GRM7: variants seen among roughly 807,000 people sequenced by gnomAD.
GRM7 encodes metabotropic glutamate receptor 7.
Under a neutral mutation model 84.5 loss-of-function variants are expected in GRM7, and 35 were observed. The observed-to-expected ratio is 0.41, with a 90% CI of 0.32 to 0.55. GRM7 has a LOEUF of 0.55. Ranked by LOEUF, GRM7 falls within the 20% of genes least tolerant of loss-of-function variation. GRM7 has a pLI of 0.19. For synonymous variants in GRM7, 487 were observed against 455.1 expected, an observed-to-expected ratio of 1.07 and a Z score of -0.89; for missense variants, 1,003 against 1,194.6, an observed-to-expected ratio of 0.84 and a Z score of 2.36.
chr3:7,649,551 A>G, intron 8 of GRM7, among the ~76,000 whole-genome samples: 1 of 152,168 alleles, frequency 6.6e-6, no homozygotes, highest in East Asian at 1.9e-4. Context: ...CAGTGGTTCA[A>G]CGTGGCAGAG....
intron 5 of GRM7, among the ~76,000 whole-genome samples, chr3:7,436,173 A>C (rs1259447477): frequency 1.3e-5 from 2 of 152,250 alleles, no homozygotes; most frequent in African/African-American, 4.8e-5. Context: ...CCTTATAAAA[A>C]TAACCTTTGT....
chr3:7,472,051 A>T (rs1698723845), intron 7 of GRM7, among the ~76,000 whole-genome samples: 1 of 152,084 alleles, frequency 6.6e-6, no homozygotes, highest in Non-Finnish European at 1.5e-5. Flanking sequence ...TTTTTGCTCT[A>T]TTAGTTCCCA....
intron 1 of GRM7, among the ~76,000 whole-genome samples, chr3:6,927,797 A>G (rs1256424223): frequency 6.6e-6 from 1 of 152,120 alleles, no homozygotes; most frequent in African/African-American, 2.4e-5. Flanking sequence ...CTTCATTTAG[A>G]TAATTTGTAA....
chr3:7,417,103 T>C (rs1696194900), intron 5 of GRM7, among the ~76,000 whole-genome samples: 1 of 152,174 alleles, frequency 6.6e-6, no homozygotes, highest in Admixed American at 6.6e-5. Flanking sequence ...TACAAACTAG[T>C]AAGGTCATTA....
At chr3:7,184,712 C>A (rs6774606) in intron 2 of GRM7, among the ~76,000 whole-genome samples, 1 of 151,988 alleles carries the variant, frequency 6.6e-6, no homozygotes, top group Non-Finnish European at 1.5e-5. Context: ...GCAGTCTGCT[C>A]ATAATGAATA....
At chr3:7,415,415 T>C (rs927930808) in intron 5 of GRM7, among the ~76,000 whole-genome samples, 26 of 152,148 alleles carry the variant, frequency 1.7e-4, no homozygotes, top group African/African-American at 6.3e-4. Flanking sequence ...GAAGGGGTCA[T>C]GTTGCTTTGA....
intron 2 of GRM7, among the ~76,000 whole-genome samples, chr3:7,208,489 A>G (rs1036182316): frequency 3.3e-5 from 5 of 152,192 alleles, no homozygotes; most frequent in African/African-American, 1.2e-4. Context: ...TATTTTAAAA[A>G]ATCTATATTG....
chr3:7,613,250 G>C (rs1043281042), intron 8 of GRM7, among the ~76,000 whole-genome samples: 4 of 152,118 alleles, frequency 2.6e-5, no homozygotes, highest in Non-Finnish European at 5.9e-5. Context: ...AAAGTGTTTG[G>C]TTTATTTTAT....
chr3:7,217,217 G>A (rs1696644501), intron 2 of GRM7, among the ~76,000 whole-genome samples: 1 of 152,126 alleles, frequency 6.6e-6, no homozygotes, highest in Non-Finnish European at 1.5e-5. Flanking sequence ...TTACAAATGG[G>A]CCACCAGTGA....
At chr3:7,189,531 T>C (rs564613018) in intron 2 of GRM7, among the ~76,000 whole-genome samples, 1 of 152,220 alleles carries the variant, frequency 6.6e-6, no homozygotes, top group Non-Finnish European at 1.5e-5. Flanking sequence ...TTATCACTAT[T>C]ACTGTTGTTA....
intron 1 of GRM7, among the ~76,000 whole-genome samples, chr3:6,889,136 G>C (rs62235366): frequency 6.6e-6 from 1 of 152,216 alleles, no homozygotes; most frequent in African/African-American, 2.4e-5. Context: ...TTTGGGCTGA[G>C]ACAATGGGGT....
At chr3:7,508,935 A>G (rs1218874563) in intron 7 of GRM7, among the ~76,000 whole-genome samples, 9 of 152,202 alleles carry the variant, frequency 5.9e-5, no homozygotes, top group Non-Finnish European at 1.5e-5. Context: ...TCTGCTCCAT[A>G]TGACAGTTGT....
intron 4 of GRM7, among the ~76,000 whole-genome samples, chr3:7,332,792 C>G (rs1342747844): frequency 1.3e-5 from 2 of 152,146 alleles, no homozygotes; most frequent in Non-Finnish European, 2.9e-5. Flanking sequence ...AGTTGAAAAA[C>G]TTGGCCTCAG....
chr3:7,148,933 C>G (rs959258678), intron 2 of GRM7, among the ~76,000 whole-genome samples: 8 of 152,158 alleles, frequency 5.3e-5, no homozygotes, highest in African/African-American at 1.9e-4. Flanking sequence ...AATACCTCTT[C>G]AAGGTATTAA....
chr3:7,015,155 T>C (rs932811116), intron 1 of GRM7, among the ~76,000 whole-genome samples: 1 of 149,482 alleles, frequency 6.7e-6, no homozygotes, highest in African/African-American at 2.5e-5. Context: ...AAGCCAGCAG[T>C]GGCAACCTGC....
At chr3:7,272,022 A>G (rs1355724212) in intron 2 of GRM7, among the ~76,000 whole-genome samples, 1 of 152,220 alleles carries the variant, frequency 6.6e-6, no homozygotes, top group East Asian at 1.9e-4. Flanking sequence ...GGAGGCTTCA[A>G]ATCGTACACA....
chr3:6,876,628 G>A (rs937298323), intron 1 of GRM7, among the ~76,000 whole-genome samples: 6 of 130,684 alleles, frequency 4.6e-5, no homozygotes, highest in Non-Finnish European at 9.5e-5. Context: ...TTGAGAAGGT[G>A]TCTCGCTGTA....
chr3:7,358,346 A>G (rs1693501173), intron 4 of GRM7, among the ~76,000 whole-genome samples: 1 of 150,094 alleles, frequency 6.7e-6, no homozygotes, highest in Admixed American at 6.6e-5. Context: ...CAAGGCGTGG[A>G]CTGAGTCCCA....
intron 8 of GRM7, among the ~76,000 whole-genome samples, chr3:7,646,750 G>A (rs1402334723): frequency 6.6e-6 from 1 of 152,164 alleles, no homozygotes; most frequent in Non-Finnish European, 1.5e-5. Flanking sequence ...GATGGAGTTA[G>A]CATCTTTGAT....
Sources: allele counts gnomAD v4.1 joint callset (sites outside exome capture counted in the v4.1 genomes callset), GRCh38; gene constraint gnomAD v4.1.1; transcripts MANE v1.5; gene names NCBI Gene and HGNC (gene_info 2026-07-23, HGNC 2026-07-21).